The following GFOD1 variants were observed in gnomAD, a reference collection of about 807,000 sequenced individuals.
The protein encoded by GFOD1 is glucose-fructose oxidoreductase domain-containing protein 1.
A neutral mutation model predicts 25.4 loss-of-function variants in GFOD1; 9 were observed. The observed-to-expected ratio is 0.35, with a 90% CI of 0.21 to 0.62. GFOD1 has a LOEUF of 0.62. Ranked by LOEUF, GFOD1 falls within the 20% of genes least tolerant of loss-of-function variation. The probability of loss-of-function intolerance (pLI) is 0.72; values close to 1 mark genes in which losing one functional copy is unlikely to be tolerated. For synonymous variants in GFOD1, 253 were observed against 245.6 expected (o/e 1.03, Z -0.28); for missense variants, 403 against 556.9 (o/e 0.72, Z 2.78).
intron 1 of GFOD1, among the ~76,000 whole-genome samples, chr6:13,454,981 T>C (rs578169696): frequency 6.6e-6 from 1 of 152,322 alleles, no homozygotes; most frequent in African/African-American, 2.4e-5. Context: ...TGAAAGACAC[T>C]GTAAAGGCAT....
At chr6:13,415,914 T>A (rs1786155422) in intron 1 of GFOD1, among the ~76,000 whole-genome samples, 1 of 152,198 alleles carries the variant, frequency 6.6e-6, no homozygotes, top group Admixed American at 6.5e-5. Context: ...CAGACAAACG[T>A]GGTCCCATCC....
intron 1 of GFOD1, among the ~76,000 whole-genome samples, chr6:13,379,326 G>T (rs989282131): frequency 6.6e-6 from 1 of 152,114 alleles, no homozygotes; most frequent in East Asian, 1.9e-4. Flanking sequence ...TAGAAGGCAC[G>T]CCAGCTGTTT....
chr6:13,462,688 T>C (rs1015743559), intron 1 of GFOD1, among the ~76,000 whole-genome samples: 3 of 152,142 alleles, frequency 2.0e-5, no homozygotes, highest in African/African-American at 7.2e-5. Flanking sequence ...GGTCCTGAGG[T>C]CAGTGAAATC....
intron 1 of GFOD1, among the ~76,000 whole-genome samples, chr6:13,481,293 C>T (rs1006572677): frequency 3.9e-5 from 6 of 152,194 alleles, no homozygotes; most frequent in African/African-American, 1.4e-4. Flanking sequence ...TGAGAATGAG[C>T]TAGCCATTCC....
intron 1 of GFOD1, among the ~76,000 whole-genome samples, chr6:13,436,647 A>G (rs1179477551): frequency 2.6e-5 from 4 of 152,254 alleles, no homozygotes; most frequent in Non-Finnish European, 4.4e-5. Context: ...CAATGCTGCA[A>G]TAAATAGTTG....
chr6:13,400,445 T>C (rs1785820006), intron 1 of GFOD1, among the ~76,000 whole-genome samples: 1 of 152,150 alleles, frequency 6.6e-6, no homozygotes, highest in South Asian at 2.1e-4. Flanking sequence ...CATAAAAACA[T>C]ATTTCAGATG....
chr6:13,414,091 T>C (rs957735181), intron 1 of GFOD1, among the ~76,000 whole-genome samples: 60 of 152,238 alleles, frequency 3.9e-4, no homozygotes, highest in African/African-American at 1.4e-3. Flanking sequence ...GGTTTTTATC[T>C]ACTATTAGTA....
At chr6:13,468,104 T>C (rs942649734) in intron 1 of GFOD1, among the ~76,000 whole-genome samples, 1 of 152,160 alleles carries the variant, frequency 6.6e-6, no homozygotes, top group Admixed American at 6.5e-5. Flanking sequence ...ACAAGAAATT[T>C]AGAGAAGAAA....
intron 1 of GFOD1, among the ~76,000 whole-genome samples, chr6:13,460,168 T>C (rs1758267180): frequency 6.6e-6 from 1 of 152,076 alleles, no homozygotes; most frequent in Non-Finnish European, 1.5e-5. Flanking sequence ...AAATAACAGA[T>C]GCCGGCAAGG....
chr6:13,376,676 A>T (rs1299840470), intron 1 of GFOD1, among the ~76,000 whole-genome samples: 1 of 152,214 alleles, frequency 6.6e-6, no homozygotes, highest in Non-Finnish European at 1.5e-5. Flanking sequence ...CACCCACCTA[A>T]GAGGATGGAG....
intron 1 of GFOD1, among the ~76,000 whole-genome samples, chr6:13,446,323 C>T (rs1173267274): frequency 6.6e-6 from 1 of 152,120 alleles, no homozygotes. Flanking sequence ...ACCAGCATGC[C>T]CAGGCTGCCC....
chr6:13,481,425 G>C (rs1034240773), intron 1 of GFOD1, among the ~76,000 whole-genome samples: 2 of 152,238 alleles, frequency 1.3e-5, no homozygotes, highest in African/African-American at 4.8e-5. Context: ...TAGAGTCCAG[G>C]AGTGTGTGAA....
rs193101369 is a variant in GFOD1 at position 13,458,820 on chromosome 6, T to C, written c.253+27818A>G. 3.4e-4 allele frequency among the ~76,000 whole-genome samples: 49 copies of C among 142,326 alleles called. 1 individual carries two copies. The highest frequency in any genetic ancestry group is 1.2e-3 in the African/African-American group (47 of 39,752). 93.4% of individuals were successfully genotyped at this position (142,326 alleles called of 152,430 possible). A position where few individuals can be genotyped will look rare whatever the true frequency, so the allele number is the denominator to read the frequency against. On this transcript the variant is annotated intron_variant, in intron 1 of 1. Coordinates refer to ENST00000379287, the MANE Select transcript of GFOD1 (RefSeq NM_018988.4). ...GGGCTGAAGAGCATTTGGGGCATGA[T>C]TTCTTGTAAGAAGTGATGATGGAAT...
rs1784894454 is a variant in GFOD1, at chr6:13,358,030, G to T, written c.*6713C>A. 1 of 152,236 alleles carries T rather than the reference G, an allele frequency of 6.6e-6. No individual in the cohort carries two copies. The highest frequency in any genetic ancestry group is 1.5e-5 in the Non-Finnish European group (1 of 68,044). The allele number at this position is 152,236 out of a possible 1,614,324, so 9.4% of individuals were successfully genotyped here. On this transcript the variant is annotated 3_prime_UTR_variant, in exon 2 of 2. Transcript: ENST00000379287. The stretch of plus-strand genomic sequence containing the variant: ...AGCTCCTAGCGGCAGGCACAGGGCT[G>T]CTGGAGGCCCGCAGGGAGGGCCGCC...
intron 1 of GFOD1, among the ~76,000 whole-genome samples, chr6:13,402,210 G>A (rs962286600): frequency 6.6e-6 from 1 of 152,152 alleles, no homozygotes; most frequent in Non-Finnish European, 1.5e-5. Flanking sequence ...AAGCCTAAAT[G>A]TAAAAGCTAA....
chr6:13,471,639 T>A (rs1392314774), intron 1 of GFOD1, among the ~76,000 whole-genome samples: 1 of 152,204 alleles, frequency 6.6e-6, no homozygotes, highest in Non-Finnish European at 1.5e-5. Flanking sequence ...TAATTAGTAT[T>A]GAGACACCCA....
At chr6:13,373,025 G>T (rs1785181313) in intron 1 of GFOD1, among the ~76,000 whole-genome samples, 1 of 152,204 alleles carries the variant, frequency 6.6e-6, no homozygotes, top group South Asian at 2.1e-4. Context: ...GAGACGGCTT[G>T]CTTTGCATTT....
intron 1 of GFOD1, among the ~76,000 whole-genome samples, chr6:13,439,830 A>C (rs953956195): frequency 6.6e-6 from 1 of 152,176 alleles, no homozygotes; most frequent in African/African-American, 2.4e-5. Context: ...TTTCAAAGAC[A>C]CCAATGTCTA....
chr6:13,410,596 GAGAGAGAGAGAGAGAGAGGAAGGAAGAA>G (rs1786056337), intron 1 of GFOD1, among the ~76,000 whole-genome samples: 1 of 149,504 alleles, frequency 6.7e-6, no homozygotes, highest in East Asian at 2.0e-4. Flanking sequence ...GAGAGAGAGA[GAGAGAGAGAGAGAGAGAGGAAGGAAGAA>G]AGGAAGAAAG....
Sources: allele counts gnomAD v4.1 joint callset (sites outside exome capture counted in the v4.1 genomes callset), GRCh38; gene constraint gnomAD v4.1.1; transcripts MANE v1.5; gene names NCBI Gene and HGNC (gene_info 2026-07-23, HGNC 2026-07-21).